The following AGBL2 variants were observed in gnomAD, a reference collection of about 807,000 sequenced individuals.
AGBL2 encodes AGBL carboxypeptidase 2, also known as cytosolic carboxypeptidase 2.
In AGBL2, 87 loss-of-function variants were observed where a neutral mutation model predicts 103.0. That is an observed-to-expected ratio of 0.84 (90% CI 0.71 to 1.01). The LOEUF (loss-of-function observed/expected upper bound fraction) is 1.01. Ranked by LOEUF, AGBL2 falls within the 50% of genes least tolerant of loss-of-function variation. AGBL2 has a pLI of 0.00. For missense variants in AGBL2, 904 were observed against 1,023.5 expected, an observed-to-expected ratio of 0.88 and a Z score of 1.59; for synonymous variants, 335 against 356.7, an observed-to-expected ratio of 0.94 and a Z score of 0.69.
At chr11:47,664,620 C>G (rs1455201897) in intron 17 of AGBL2, among the ~76,000 whole-genome samples, 1 of 151,842 alleles carries the variant, frequency 6.6e-6, no homozygotes, top group Non-Finnish European at 1.5e-5. Flanking sequence ...ACTGTGTTAG[C>G]TAGGATGGTC....
At chr11:47,693,119 A>G (rs943957525) in intron 8 of AGBL2, among the ~76,000 whole-genome samples, 1 of 151,934 alleles carries the variant, frequency 6.6e-6, no homozygotes, top group African/African-American at 2.4e-5. Context: ...TGCATCCTGC[A>G]GATACCTGTT....
intron 3 of AGBL2, among the ~76,000 whole-genome samples, chr11:47,713,651 TG>T (rs1460221109): frequency 2.6e-5 from 4 of 151,376 alleles, no homozygotes; most frequent in African/African-American, 9.7e-5. Context: ...TGCAGTGGCT[TG>T]ATCTCGGCTC....
chr11:47,714,178 A>G, intron 3 of AGBL2, 106 bp downstream of exon 3: 1 of 797,100 alleles, frequency 1.3e-6, no homozygotes, highest in Non-Finnish European at 2.1e-6. Flanking sequence ...TTTATTTGTC[A>G]ATGCAAATTA....
chr11:47,693,125 C>A (rs1302726482), intron 8 of AGBL2, among the ~76,000 whole-genome samples: 1 of 151,972 alleles, frequency 6.6e-6, no homozygotes, highest in Non-Finnish European at 1.5e-5. Context: ...CTGCAGATAC[C>A]TGTTTCTTTC....
chr11:47,709,386 G>A (rs1355595471), intron 4 of AGBL2, among the ~76,000 whole-genome samples: 1 of 150,896 alleles, frequency 6.6e-6, no homozygotes, highest in Admixed American at 6.6e-5. Flanking sequence ...TAAGCAGGGG[G>A]GGTTGTAGAG....
Position 47,688,867 on chromosome 11 carries a change from C to T in AGBL2, c.1631+1209G>A, listed in dbSNP as rs575584412. Among the ~76,000 whole-genome samples the T allele has an allele frequency of 2.0e-5, 3 of 152,206 alleles. No homozygotes were observed. In the South Asian group the frequency reaches 6.2e-4, roughly 32 times the overall value. On this transcript the variant is annotated intron_variant, in intron 10 of 18. Transcript: ENST00000525123. ...TCTCCTGACTCGGCCTCCTGAGTAG[C>T]TGGGATTACAGGCACCCACCATCAT...
In AGBL2 at chr11:47,690,882, C is replaced by A. The variant is rs879213823; in HGVS notation, c.849-24G>T. 8 of 1,575,744 alleles carry A rather than the reference C, an allele frequency of 5.1e-6. No homozygotes were observed. In the South Asian group the frequency reaches 8.0e-5, roughly 16 times the overall value. On this transcript the variant is annotated intron_variant, in intron 9 of 18. Transcript: ENST00000525123. The stretch of plus-strand genomic sequence containing the variant: ...CTCTGTAATGGAGAAAATAGAACAA[C>A]TCTGTAAGCTTACACCCTGCCTTAA...
chr11:47,712,064 G>T (rs1429741415), intron 3 of AGBL2, among the ~76,000 whole-genome samples: 1 of 152,048 alleles, frequency 6.6e-6, no homozygotes, highest in African/African-American at 2.4e-5. Flanking sequence ...AAAACAGACC[G>T]TCTAAAAAAT....
intron 8 of AGBL2, among the ~76,000 whole-genome samples, chr11:47,696,410 G>A (rs1045091775): frequency 6.6e-5 from 10 of 151,428 alleles, no homozygotes; most frequent in African/African-American, 2.2e-4. Context: ...CTACAGGTGC[G>A]CACCACCATA....
Position 47,660,059 on chromosome 11 carries a change from A to C in AGBL2, c.*114T>G. On this transcript the variant is annotated 3_prime_UTR_variant, in exon 19 of 19. Transcript: ENST00000525123. ...GTGTAAGGTCAGTGCATGAGTGCAC[A>C]ACACAGTATACCACAAGTAAATGCA... 1 of 1,212,418 alleles carries C rather than the reference A, an allele frequency of 8.2e-7. No homozygotes were observed. Among genetic ancestry groups the C allele is most frequent in the Non-Finnish European group, 1.1e-6 (1 of 871,490 alleles). 75.1% of individuals were successfully genotyped at this position (1,212,418 alleles called of 1,614,324 possible). A position where few individuals can be genotyped will look rare whatever the true frequency, so the allele number is the denominator to read the frequency against.
At chr11:47,678,459 G>T (rs190490853) in intron 13 of AGBL2, among the ~76,000 whole-genome samples, 1 of 149,544 alleles carries the variant, frequency 6.7e-6, no homozygotes, top group East Asian at 2.0e-4. Flanking sequence ...TCAGCCTCCC[G>T]AGCAGCTGGG....
intron 8 of AGBL2, among the ~76,000 whole-genome samples, chr11:47,694,076 T>C (rs1003462075): frequency 4.6e-5 from 7 of 152,130 alleles, no homozygotes; most frequent in African/African-American, 1.7e-4. Context: ...TGTGCACCTG[T>C]AGTCCCAGCT....
intron 10 of AGBL2, among the ~76,000 whole-genome samples, chr11:47,686,501 G>A: frequency 1.1e-5 from 1 of 87,790 alleles, no homozygotes; most frequent in Non-Finnish European, 2.1e-5. Context: ...TTGGGTATTT[G>A]TCTCTGCCCA....
At chr11:47,700,375 TC>T (rs1434611940) in intron 7 of AGBL2, among the ~76,000 whole-genome samples, 12 of 151,676 alleles carry the variant, frequency 7.9e-5, no homozygotes, top group South Asian at 2.1e-4. Flanking sequence ...GGTCGGGAGT[TC>T]GAGACCAGCC....
chr11:47,670,985 C>T (rs2097355634), intron 14 of AGBL2, among the ~76,000 whole-genome samples: 2 of 151,508 alleles, frequency 1.3e-5, no homozygotes, highest in Middle Eastern at 6.8e-3. Context: ...CAGAGCGACA[C>T]TCTTTCTAAA....
At chr11:47,680,778 G>A (rs982950530) in intron 12 of AGBL2, among the ~76,000 whole-genome samples, 18 of 80,950 alleles carry the variant, frequency 2.2e-4, no homozygotes, top group Non-Finnish European at 4.6e-4. Flanking sequence ...GTAACAGAGG[G>A]AGACCCTGAA....
In AGBL2 at chr11:47,667,633, GCT is replaced by G. The variant is rs766447259; in HGVS notation, c.2276_2277del (p.Gln759ProfsTer3). The G allele has an allele frequency of 8.7e-6, 14 of 1,613,080 alleles. No homozygotes were observed. The South Asian group carries it at 1.3e-4, about 15-fold the overall frequency. On this transcript the variant is annotated frameshift_variant, in exon 16 of 19. Transcript: ENST00000525123. LOFTEE classifies it high-confidence loss of function. ...TTTTTTTTCTGATACTGCTCATTTC[GCT>G]GTTTCCTAGTCTGAAGTGACTTCTT... is the stretch of plus-strand genomic sequence containing the variant. ...KKKKSLQTRK[Q>X]RNEQYQKKNL...
intron 4 of AGBL2, among the ~76,000 whole-genome samples, chr11:47,708,584 G>C (rs1302559276): frequency 6.6e-6 from 1 of 151,374 alleles, no homozygotes; most frequent in African/African-American, 2.4e-5. Context: ...GGGAGGCCAA[G>C]GCAGGCGGGT....
Position 47,698,196 on chromosome 11 carries a change from G to A in AGBL2, c.694+1250C>T, listed in dbSNP as rs1194711225. ...TTTTTTTTTTTTTTTTTTTTGAGAC[G>A]GAGTTTCACTCTTGTTGCCCAGGCT... On this transcript the variant is annotated intron_variant, in intron 8 of 18. Transcript: ENST00000525123. Among the ~76,000 whole-genome samples, 62 of 111,704 alleles carry A rather than the reference G, an allele frequency of 5.6e-4. 1 individual carries two copies. Among genetic ancestry groups the A allele is most frequent in the African/African-American group, 2.0e-3 (58 of 28,868 alleles). The allele number at this position is 111,704 out of a possible 152,430, so 73.3% of individuals were successfully genotyped here.
Sources: gnomAD v4.1 joint callset for allele counts (sites outside exome capture counted in the v4.1 genomes callset) on GRCh38, gnomAD v4.1.1 for gene constraint, MANE v1.5 for transcripts, NCBI Gene and HGNC (gene_info 2026-07-23, HGNC 2026-07-21) for gene names.